CNTNAP2: variants seen among roughly 807,000 people sequenced by gnomAD.
CNTNAP2 encodes contactin-associated protein-like 2.
CNTNAP2 carries 98 observed loss-of-function variants against 155.2 expected under a neutral mutation model. The ratio of observed to expected loss-of-function variants is 0.63; its 90% CI spans 0.54 to 0.75. The LOEUF (loss-of-function observed/expected upper bound fraction) is 0.75, where lower values mean the gene tolerates loss of function less well. CNTNAP2 is among the 30% of genes least tolerant of loss of function. The pLI is 0.00. For missense variants in CNTNAP2, 1,727 were observed against 1,688.1 expected (o/e 1.02, Z -0.40); for synonymous variants, 651 against 631.2 (o/e 1.03, Z -0.47).
Position 146,399,832 on chromosome 7 carries a change from G to A in CNTNAP2, c.97+282859G>A, listed in dbSNP as rs549071290. ...CCCTTGCCACATTCTTGCAACTCTTGTTTTCCTCTTAATTTTATTATTTCT... is the reference window on the plus strand; with the variant it reads ...CCCTTGCCACATTCTTGCAACTCTTATTTTCCTCTTAATTTTATTATTTCT... On this transcript the variant is annotated intron_variant, in intron 1 of 23. Transcript: ENST00000361727. Among the ~76,000 whole-genome samples, 233 of 152,108 alleles carry A rather than the reference G, an allele frequency of 1.5e-3. 1 individual carries two copies. Among genetic ancestry groups the A allele is most frequent in the Non-Finnish European group, 3.0e-3 (202 of 67,996 alleles).
chr7:147,883,120 G>T (rs1024706564), intron 13 of CNTNAP2, among the ~76,000 whole-genome samples: 17 of 152,154 alleles, frequency 1.1e-4, no homozygotes, highest in African/African-American at 4.1e-4. Context: ...GCTATACCAG[G>T]GTCTCCCAGA....
intron 18 of CNTNAP2, among the ~76,000 whole-genome samples, chr7:148,215,082 T>C (rs1009732350): frequency 4.6e-5 from 7 of 152,168 alleles, no homozygotes; most frequent in Non-Finnish European, 1.0e-4. Context: ...TCCTTACAAC[T>C]TGGTGAGAAG....
At chr7:148,234,791 T>C (rs1355339766) in intron 20 of CNTNAP2, among the ~76,000 whole-genome samples, 1 of 152,232 alleles carries the variant, frequency 6.6e-6, no homozygotes, top group Non-Finnish European at 1.5e-5. Flanking sequence ...TACATGTTCT[T>C]TGAATAATTA....
chr7:146,940,131 T>C (rs1797019400), intron 3 of CNTNAP2, among the ~76,000 whole-genome samples: 1 of 152,204 alleles, frequency 6.6e-6, no homozygotes, highest in African/African-American at 2.4e-5. Flanking sequence ...TTTTTTAAAA[T>C]TTAATATTTC....
chr7:148,047,439 A>T (rs1017282304), intron 15 of CNTNAP2, among the ~76,000 whole-genome samples: 1 of 152,238 alleles, frequency 6.6e-6, no homozygotes, highest in Non-Finnish European at 1.5e-5. Flanking sequence ...TCTAATAGGC[A>T]TGTTTTCCCC....
intron 13 of CNTNAP2, among the ~76,000 whole-genome samples, chr7:147,643,918 T>C (rs1795325535): frequency 2.0e-5 from 3 of 152,150 alleles, no homozygotes; most frequent in African/African-American, 7.2e-5. Context: ...TATCTTCCAA[T>C]TTTTACAAGG....
intron 12 of CNTNAP2, among the ~76,000 whole-genome samples, chr7:147,614,089 T>C (rs1254916327): frequency 6.6e-6 from 1 of 152,230 alleles, no homozygotes; most frequent in African/African-American, 2.4e-5. Context: ...TAAAAATTTG[T>C]TGCATTATTT....
chr7:146,633,305 T>C (rs1452827495), intron 1 of CNTNAP2, among the ~76,000 whole-genome samples: 2 of 152,226 alleles, frequency 1.3e-5, no homozygotes, highest in Non-Finnish European at 2.9e-5. Context: ...GTATTAATTT[T>C]CACCATTATT....
intron 10 of CNTNAP2, among the ~76,000 whole-genome samples, chr7:147,414,435 A>C (rs1258077675): frequency 2.5e-5 from 1 of 39,878 alleles, no homozygotes; most frequent in Non-Finnish European, 5.4e-5. Flanking sequence ...AAAACATTAA[A>C]AAAAAAAAAA....
intron 10 of CNTNAP2, among the ~76,000 whole-genome samples, chr7:147,433,200 C>G (rs1315268733): frequency 6.6e-6 from 1 of 152,168 alleles, no homozygotes; most frequent in Non-Finnish European, 1.5e-5. Flanking sequence ...AAATCTTCAA[C>G]CATCATCCTC....
chr7:146,432,780 G>C (rs1027572423), intron 1 of CNTNAP2, among the ~76,000 whole-genome samples: 8 of 152,128 alleles, frequency 5.3e-5, no homozygotes, highest in African/African-American at 1.9e-4. Flanking sequence ...GCAGGTATTT[G>C]AAATTAGCTG....
intron 9 of CNTNAP2, among the ~76,000 whole-genome samples, chr7:147,314,505 G>A (rs369793471): frequency 3.3e-5 from 5 of 150,516 alleles, no homozygotes; most frequent in African/African-American, 1.2e-4. Flanking sequence ...TCACAATTGG[G>A]AAGAGAGACC....
intron 1 of CNTNAP2, among the ~76,000 whole-genome samples, chr7:146,295,615 G>A (rs535769159): frequency 3.9e-5 from 6 of 152,010 alleles, no homozygotes; most frequent in East Asian, 1.9e-4. Flanking sequence ...AGAAAAAATC[G>A]TTTTTATGGA....
In CNTNAP2 at chr7:146,712,282, AT is replaced by A. The variant is rs1351970119; in HGVS notation, c.98-61988del. 4.7e-3 allele frequency among the ~76,000 whole-genome samples: 49 copies of A among 10,402 alleles called. 2 individuals carry two copies. The South Asian group carries it at 0.3, about 63-fold the overall frequency. The allele number at this position is 10,402 out of a possible 152,430, so 6.8% of individuals were successfully genotyped here. A position where few individuals can be genotyped will look rare whatever the true frequency, so the allele number is the denominator to read the frequency against. On this transcript the variant is annotated intron_variant, in intron 1 of 23. Transcript: ENST00000361727. ...GTATACATATCTTATGTATACATAT[AT>A]GTATACATATCTTATGTATACTATA... is the stretch of plus-strand genomic sequence containing the variant.
intron 14 of CNTNAP2, among the ~76,000 whole-genome samples, chr7:147,933,544 T>TAG (rs1563140060): frequency 1.3e-5 from 1 of 77,404 alleles, no homozygotes; most frequent in Non-Finnish European, 3.4e-5. Context: ...TAGATAGATA[T>TAG]AACAGAATAT....
chr7:147,916,387 C>A (rs1384877690), intron 14 of CNTNAP2, among the ~76,000 whole-genome samples: 2 of 152,044 alleles, frequency 1.3e-5, no homozygotes, highest in East Asian at 1.9e-4. Context: ...AGTGTCAATA[C>A]GGTTTGGCCA....
At chr7:146,924,683 T>A (rs561448541) in intron 3 of CNTNAP2, among the ~76,000 whole-genome samples, 11 of 152,224 alleles carry the variant, frequency 7.2e-5, no homozygotes, top group African/African-American at 2.6e-4. Context: ...AGTCAGATGA[T>A]CTTACCTAAC....
chr7:147,569,205 CG>C (rs1384623298), intron 12 of CNTNAP2, among the ~76,000 whole-genome samples: 1 of 152,066 alleles, frequency 6.6e-6, no homozygotes, highest in East Asian at 1.9e-4. Flanking sequence ...GAGCTTGTAA[CG>C]GAAGTTTCTA....
chr7:147,811,977 A>G (rs183404442), intron 13 of CNTNAP2, among the ~76,000 whole-genome samples: 141 of 152,332 alleles, frequency 9.3e-4, no homozygotes, highest in African/African-American at 3.2e-3. Flanking sequence ...AACAAAGTAT[A>G]GAGTAGATTA....
Sources: allele counts gnomAD v4.1 joint callset (sites outside exome capture counted in the v4.1 genomes callset), GRCh38; gene constraint gnomAD v4.1.1; transcripts MANE v1.5; gene names NCBI Gene and HGNC (gene_info 2026-07-23, HGNC 2026-07-21).